MAOA: variants seen among roughly 807,000 people sequenced by gnomAD.
The protein encoded by MAOA is monoamine oxidase A.
MAOA carries 6 observed loss-of-function variants against 42.0 expected under a neutral mutation model. The ratio of observed to expected loss-of-function variants is 0.14; its 90% CI spans 0.08 to 0.28. MAOA has a LOEUF of 0.28. Among genes scored for constraint, MAOA ranks in the 10% least tolerant of loss-of-function variants. MAOA has a pLI of 1.00. For missense variants in MAOA, 262 were observed against 422.3 expected, an observed-to-expected ratio of 0.62 and a Z score of 3.33; for synonymous variants, 140 against 154.0, an observed-to-expected ratio of 0.91 and a Z score of 0.67.
At chrX:43,692,516 G>A (rs2033544813) in intron 2 of MAOA, among the ~76,000 whole-genome samples, 1 of 109,750 alleles carries the variant, frequency 9.1e-6, no homozygotes, top group Non-Finnish European at 1.9e-5. Context: ...GCAATGAGTG[G>A]CATTCAACAA....
chrX:43,676,538 G>A (rs187233434), intron 1 of MAOA, among the ~76,000 whole-genome samples: 2 of 111,628 alleles, frequency 1.8e-5, no homozygotes, highest in African/African-American at 3.2e-5. Flanking sequence ...CTTCTGCATC[G>A]CTCATGCTGG....
At position 43,734,232 on chromosome X, in the gene MAOA, G is replaced by A. The variant is rs12689575; in HGVS notation, c.1052+1437G>A. 5.4e-4 allele frequency among the ~76,000 whole-genome samples: 58 copies of A among 107,963 alleles called. No individual in the cohort carries two copies. In the East Asian group the frequency reaches 0.016, roughly 29 times the overall value. 93.8% of individuals were successfully genotyped at this position (107,963 alleles called of 115,157 possible). A position where few individuals can be genotyped will look rare whatever the true frequency, so the allele number is the denominator to read the frequency against. On this transcript the variant is annotated intron_variant, in intron 9 of 14. Transcript: ENST00000338702. ...AAATGTTAAACGGTTGTGTTCTGTG[G>A]ACAGTGGGGCTAAAACAAATATAAA...
intron 1 of MAOA, among the ~76,000 whole-genome samples, chrX:43,657,651 C>T (rs1166367384): frequency 8.9e-6 from 1 of 111,861 alleles, no homozygotes; most frequent in African/African-American, 3.3e-5. Context: ...ACCACACTGA[C>T]CTATCCTCCC....
At chrX:43,674,275 C>CT (rs1174813554) in intron 1 of MAOA, among the ~76,000 whole-genome samples, 4 of 106,335 alleles carry the variant, frequency 3.8e-5, no homozygotes. Flanking sequence ...CAACCCCTGC[C>CT]TTTTTTTGTT....
chrX:43,656,351 C>T lies in MAOA; in HGVS notation c.10C>T (p.Gln4Ter). Residue 4 changes from glutamine (Q) to a stop codon, truncating the protein, a stop_gained, in exon 1 of 15, where the codon CAA becomes TAA. Coordinates refer to ENST00000338702, the MANE Select transcript of MAOA (RefSeq NM_000240.4). LOFTEE classifies it high-confidence loss of function. The part of the protein sequence containing the change: MEN[Q>*]EKASIAGHMF... ...GCGTGTCAGCCAAAGCATGGAGAAT[C>T]AAGAGAAGGCGAGTATCGCGGGCCA... The T allele has an allele frequency of 8.3e-7, 1 of 1,211,400 alleles. No individual in the cohort carries two copies. The highest frequency in any genetic ancestry group is 1.1e-6 in the Non-Finnish European group (1 of 895,094).
chrX:43,731,458 A>G, intron 7 of MAOA, 68 bp downstream of exon 7: 1 of 1,079,126 alleles, frequency 9.3e-7, no homozygotes, highest in African/African-American at 1.8e-5. Flanking sequence ...TTCTAACCAG[A>G]TATAATTCAA....
At chrX:43,672,282 T>C (rs375245120) in intron 1 of MAOA, among the ~76,000 whole-genome samples, 1 of 111,450 alleles carries the variant, frequency 9.0e-6, no homozygotes, top group Non-Finnish European at 1.9e-5. Context: ...GTGATTTTTG[T>C]ACATTGATTT....
chrX:43,741,144 A>G (rs1601950501), intron 11 of MAOA, among the ~76,000 whole-genome samples: 1 of 111,753 alleles, frequency 8.9e-6, no homozygotes, highest in Admixed American at 9.5e-5. Context: ...ACTTGACAAG[A>G]TAGACTGAAT....
intron 10 of MAOA, among the ~76,000 whole-genome samples, chrX:43,738,353 A>G (rs962221384): frequency 5.3e-5 from 6 of 112,413 alleles, no homozygotes; most frequent in South Asian, 7.3e-4. Context: ...ATAATTTCCT[A>G]TGTTTGTGTG....
At chrX:43,736,135 A>G in intron 9 of MAOA, 92 bp from the exon 10 acceptor site, 1 of 625,663 alleles carries the variant, frequency 1.6e-6, no homozygotes, top group Non-Finnish European at 2.6e-6. Flanking sequence ...TTCATGCTGA[A>G]TAGCTACAGG....
intron 1 of MAOA, among the ~76,000 whole-genome samples, chrX:43,678,213 C>A (rs2033416331): frequency 9.0e-6 from 1 of 111,528 alleles, no homozygotes; most frequent in Non-Finnish European, 1.9e-5. Flanking sequence ...CTGTATCAAA[C>A]CCTTCCCTTA....
intron 1 of MAOA, among the ~76,000 whole-genome samples, chrX:43,680,875 T>G (rs2033436967): frequency 9.0e-6 from 1 of 111,562 alleles, no homozygotes; most frequent in Non-Finnish European, 1.9e-5. Flanking sequence ...TTACCATTTT[T>G]CAAAATGGTA....
At chrX:43,684,796 C>G (rs1214733758) in intron 2 of MAOA, among the ~76,000 whole-genome samples, 1 of 110,488 alleles carries the variant, frequency 9.1e-6, no homozygotes. Flanking sequence ...AGTCTGGTGG[C>G]AGATAGTCCA....
At position 43,745,838 on chromosome X, in the gene MAOA, T is replaced by C. The variant is rs1439574072; in HGVS notation, c.*1325T>C. 1 of 111,752 alleles carries C rather than the reference T, an allele frequency of 8.9e-6. No homozygotes were observed. Among genetic ancestry groups the C allele is most frequent in the African/African-American group, 3.3e-5 (1 of 30,712 alleles). The allele number at this position is 111,752 out of a possible 1,213,427, so 9.2% of individuals were successfully genotyped here. A position where few individuals can be genotyped will look rare whatever the true frequency, so the allele number is the denominator to read the frequency against. Reference sequence around the variant, plus strand: ...CTTCTTTTTACAATGTATCAACATATTTTTATTTAAGGGGAATTAACAATT... The same window carrying C: ...CTTCTTTTTACAATGTATCAACATACTTTTATTTAAGGGGAATTAACAATT... On this transcript the variant is annotated 3_prime_UTR_variant, in exon 15 of 15. Coordinates refer to ENST00000338702, the MANE Select transcript of MAOA (RefSeq NM_000240.4).
At chrX:43,658,691 C>T (rs936011764) in intron 1 of MAOA, among the ~76,000 whole-genome samples, 3 of 111,856 alleles carry the variant, frequency 2.7e-5, no homozygotes, top group Admixed American at 9.5e-5. Context: ...TTGACTTCCT[C>T]TAATGCCATC....
intron 10 of MAOA, among the ~76,000 whole-genome samples, chrX:43,739,796 G>A (rs1417744295): frequency 1.8e-5 from 2 of 111,981 alleles, no homozygotes; most frequent in African/African-American, 6.5e-5. Context: ...ACTATAAAAG[G>A]TAAATAGGAA....
chrX:43,724,875 C>G (rs148812574), intron 5 of MAOA, among the ~76,000 whole-genome samples: 578 of 112,107 alleles, frequency 5.2e-3, no homozygotes, highest in African/African-American at 0.018. Context: ...TACGTTGTGT[C>G]TTTGTTCTCA....
intron 12 of MAOA, 81 bp from the exon 13 acceptor site, chrX:43,743,713 A>G: frequency 9.5e-7 from 1 of 1,055,717 alleles, no homozygotes. Context: ...CCTTCTGCAG[A>G]CTAAATGAGG....
chrX:43,708,701 C>T (rs1336126907), intron 3 of MAOA, among the ~76,000 whole-genome samples: 4 of 103,893 alleles, frequency 3.9e-5, no homozygotes, highest in African/African-American at 7.1e-5. Context: ...CTCGCACTGT[C>T]GCCCAGGCTG....
Sources: allele counts gnomAD v4.1 joint callset (sites outside exome capture counted in the v4.1 genomes callset), GRCh38; gene constraint gnomAD v4.1.1; transcripts MANE v1.5; gene names NCBI Gene and HGNC (gene_info 2026-07-23, HGNC 2026-07-21).